The following EML6 variants were observed in gnomAD, a reference collection of about 807,000 sequenced individuals.
EML6 encodes echinoderm microtubule-associated protein-like 6.
In EML6, 154 loss-of-function variants were observed where a neutral mutation model predicts 240.1. The observed-to-expected ratio is 0.64, with a 90% confidence interval of 0.56 to 0.73. EML6 has a LOEUF of 0.73. Among genes scored for constraint, EML6 ranks in the 30% least tolerant of loss-of-function variants. EML6 has a pLI of 0.00. For synonymous variants in EML6, 1,148 were observed against 899.0 expected, an observed-to-expected ratio of 1.28 and a Z score of -4.95; for missense variants, 2,964 against 2,474.6, an observed-to-expected ratio of 1.20 and a Z score of -4.20.
intron 17 of EML6, among the ~76,000 whole-genome samples, chr2:54,890,673 C>A (rs988395075): frequency 6.6e-6 from 1 of 152,172 alleles, no homozygotes; most frequent in Admixed American, 6.5e-5. Flanking sequence ...TCTCTTTCCT[C>A]CTGCACAAGA....
intron 21 of EML6, among the ~76,000 whole-genome samples, chr2:54,899,130 T>C (rs1208309669): frequency 6.6e-6 from 1 of 152,224 alleles, no homozygotes; most frequent in Non-Finnish European, 1.5e-5. Context: ...TGCCGAATGC[T>C]ACACATTCAA....
intron 2 of EML6, among the ~76,000 whole-genome samples, chr2:54,809,385 G>A (rs1450518552): frequency 6.6e-6 from 1 of 152,154 alleles, no homozygotes; most frequent in Non-Finnish European, 1.5e-5. Context: ...CGCTATGGGA[G>A]GACACAATAG....
At chr2:54,840,426 A>G (rs1024951669) in intron 7 of EML6, among the ~76,000 whole-genome samples, 3 of 152,262 alleles carry the variant, frequency 2.0e-5, no homozygotes, top group Non-Finnish European at 4.4e-5. Flanking sequence ...GTACACATAT[A>G]CATTTGCATC....
chr2:54,778,357 G>C (rs952617868), intron 2 of EML6, among the ~76,000 whole-genome samples: 4 of 152,138 alleles, frequency 2.6e-5, no homozygotes, highest in Admixed American at 2.0e-4. Flanking sequence ...GAAGAGAGAA[G>C]GGGGAGAGGA....
chr2:54,823,739 G>A (rs1204905218), intron 5 of EML6, among the ~76,000 whole-genome samples: 4 of 152,046 alleles, frequency 2.6e-5, no homozygotes, highest in Non-Finnish European at 5.9e-5. Flanking sequence ...AGAAACCCAG[G>A]ACCCTAGGGG....
At chr2:54,833,039 C>T (rs1041596262) in intron 7 of EML6, among the ~76,000 whole-genome samples, 2 of 152,236 alleles carry the variant, frequency 1.3e-5, no homozygotes, top group African/African-American at 4.8e-5. Context: ...TCATCTTACT[C>T]AAACAGCCAA....
At chr2:54,968,352 C>A in intron 40 of EML6, 71 bp downstream of exon 40, 1 of 1,366,332 alleles carries the variant, frequency 7.3e-7, no homozygotes, top group Non-Finnish European at 1.0e-6. Flanking sequence ...GGGGCCACGT[C>A]TAGATGGCCC....
intron 21 of EML6, 149 bp downstream of exon 21, chr2:54,895,549 A>C: frequency 1.4e-6 from 1 of 708,072 alleles, no homozygotes; most frequent in Non-Finnish European, 2.3e-6. Context: ...CTGTGTAACA[A>C]ATTGCCACAA....
chr2:54,967,536 T>C (rs1345004683), intron 39 of EML6, among the ~76,000 whole-genome samples: 2 of 152,224 alleles, frequency 1.3e-5, no homozygotes, highest in East Asian at 3.9e-4. Flanking sequence ...CCTGCTGTTC[T>C]CCCCAACACA....
chr2:54,852,800 G>A (rs1013278161), intron 10 of EML6, among the ~76,000 whole-genome samples: 1 of 152,198 alleles, frequency 6.6e-6, no homozygotes, highest in East Asian at 1.9e-4. Context: ...TGAGAGAGAA[G>A]TTAGGTAATA....
At chr2:54,897,301 A>G (rs577646373) in intron 21 of EML6, among the ~76,000 whole-genome samples, 13 of 152,280 alleles carry the variant, frequency 8.5e-5, no homozygotes, top group African/African-American at 3.1e-4. Flanking sequence ...TTAATTCTCT[A>G]CAATTCTATT....
chr2:54,940,860 A>T (rs1675393973), intron 28 of EML6, among the ~76,000 whole-genome samples: 1 of 152,242 alleles, frequency 6.6e-6, no homozygotes, highest in South Asian at 2.1e-4. Flanking sequence ...AAATCTGTTT[A>T]ACCCCAGGCA....
At chr2:54,802,618 A>ATGCTAC (rs1553381838) in intron 2 of EML6, among the ~76,000 whole-genome samples, 1 of 139,946 alleles carries the variant, frequency 7.1e-6, no homozygotes, top group Non-Finnish European at 1.5e-5. Flanking sequence ...ACCCTGTCTC[A>ATGCTAC]TACTACTACT....
At chr2:54,787,532 T>C (rs981162992) in intron 2 of EML6, among the ~76,000 whole-genome samples, 1 of 152,226 alleles carries the variant, frequency 6.6e-6, no homozygotes, top group Admixed American at 6.5e-5. Flanking sequence ...GTTTATCCTA[T>C]TGGATTGTTC....
In EML6 at chr2:54,950,753, C is replaced by T. The variant is rs182839515; in HGVS notation, c.4187C>T (p.Ala1396Val). The change falls in exon 30 of 42, where the codon GCT becomes GTT. Residue 1396 changes from alanine to valine, a missense_variant. Physicochemically the swap from Ala to Val is moderately conservative, Grantham distance 64. Coordinates refer to ENST00000356458, the MANE Select transcript of EML6 (RefSeq NM_001039753.4). ...GACATCATCTTCCACACAGCAGCGGCTGGCATCGTTCAGAACCTCTCCACA... is the reference window on the plus strand; with the variant it reads ...GACATCATCTTCCACACAGCAGCGGTTGGCATCGTTCAGAACCTCTCCACA... ...GADIIFHTAA[A>V]GIVQNLSTGS... 1 of 1,551,594 alleles carries T rather than the reference C, an allele frequency of 6.4e-7. No individual in the cohort carries two copies. Among genetic ancestry groups the T allele is most frequent in the East Asian group, 2.4e-5 (1 of 40,924 alleles).
rs1344546093 is a variant in EML6, at chr2:54,970,520, A to G, written c.*425A>G. The G allele has an allele frequency of 1.7e-5, 3 of 173,076 alleles. No individual in the cohort carries two copies. Among genetic ancestry groups the G allele is most frequent in the Admixed American group, 5.6e-5 (1 of 17,716 alleles). 10.7% of individuals were successfully genotyped at this position (173,076 alleles called of 1,614,324 possible). On this transcript the variant is annotated 3_prime_UTR_variant, in exon 42 of 42. Coordinates refer to ENST00000356458, the MANE Select transcript of EML6 (RefSeq NM_001039753.4). Reference sequence around the variant, plus strand: ...ACTTCAAGAATGTTCATTTTTACAAATAAGTTGAACAAGACAGCCTAAGTT... The same window carrying G: ...ACTTCAAGAATGTTCATTTTTACAAGTAAGTTGAACAAGACAGCCTAAGTT...
intron 29 of EML6, 85 bp from the exon 30 acceptor site, chr2:54,950,565 G>A (rs1280378561): frequency 1.1e-5 from 16 of 1,456,936 alleles, no homozygotes; most frequent in Admixed American, 6.4e-5. Flanking sequence ...TGGGACACAC[G>A]AGGCTGCTCA....
At chr2:54,772,577 G>A (rs576784075) in intron 2 of EML6, among the ~76,000 whole-genome samples, 1 of 152,312 alleles carries the variant, frequency 6.6e-6, no homozygotes, top group South Asian at 2.1e-4. Flanking sequence ...TTGTAAGAGT[G>A]GCAAAAATTT....
At chr2:54,733,631 G>C (rs1360001836) in intron 2 of EML6, among the ~76,000 whole-genome samples, 2 of 152,142 alleles carry the variant, frequency 1.3e-5, no homozygotes, top group African/African-American at 4.8e-5. Context: ...TTAACTCAAG[G>C]ATTCATTTTG....
Sources: allele counts gnomAD v4.1 joint callset (sites outside exome capture counted in the v4.1 genomes callset), GRCh38; gene constraint gnomAD v4.1.1; transcripts MANE v1.5; gene names NCBI Gene and HGNC (gene_info 2026-07-23, HGNC 2026-07-21).